The following FXR2 variants were observed in gnomAD, a reference collection of about 807,000 sequenced individuals.
FXR2 encodes FMR1 autosomal homolog 2, also known as RNA-binding protein FXR2.
FXR2 carries 9 observed loss-of-function variants against 87.3 expected under a neutral mutation model. That is an observed-to-expected ratio of 0.10 (90% CI 0.06 to 0.18). The LOEUF (loss-of-function observed/expected upper bound fraction) is 0.18, where lower values mean the gene tolerates loss of function less well. FXR2 is among the 10% of genes least tolerant of loss of function. The pLI is 1.00. For synonymous variants in FXR2, 331 were observed against 328.3 expected, an observed-to-expected ratio of 1.01 and a Z score of -0.09; for missense variants, 661 against 893.6, an observed-to-expected ratio of 0.74 and a Z score of 3.32.
intron 1 of FXR2, among the ~76,000 whole-genome samples, chr17:7,610,010 A>G (rs1349466843): frequency 7.1e-6 from 1 of 141,378 alleles, no homozygotes; most frequent in Non-Finnish European, 1.5e-5. Context: ...GTATACATAT[A>G]TATATACATG....
At chr17:7,614,352 C>T in intron 1 of FXR2, 100 bp downstream of exon 1, 1 of 870,758 alleles carries the variant, frequency 1.1e-6, no homozygotes, top group Non-Finnish European at 1.8e-6. Context: ...TTCTAAGGGC[C>T]AGGACTCAGC....
intron 6 of FXR2, chr17:7,602,678 G>C: frequency 2.6e-6 from 1 of 392,048 alleles, no homozygotes; most frequent in Non-Finnish European, 4.6e-6. Flanking sequence ...GCAGTGAGCC[G>C]AGATCGTGCC....
chr17:7,609,794 G>A (rs1053577379), intron 1 of FXR2, among the ~76,000 whole-genome samples: 9 of 151,306 alleles, frequency 5.9e-5, no homozygotes, highest in Middle Eastern at 3.2e-3. Context: ...CTTGGAGGCC[G>A]AGGTCGGTAG....
At position 7,592,496 on chromosome 17, in the gene FXR2, T is replaced by G. The variant is rs1223405416; in HGVS notation, c.1825+8A>C. 1 of 1,612,472 alleles carries G rather than the reference T, an allele frequency of 6.2e-7. No homozygotes were observed. Among genetic ancestry groups the G allele is most frequent in the African/African-American group, 1.3e-5 (1 of 75,012 alleles). On this transcript the variant is annotated splice_region_variant and intron_variant, in intron 15 of 16. Transcript: ENST00000250113. This position sits in a 1 kb window ranked among gnomAD's most constrained non-coding sequence, Gnocchi z 4.8. ...GAGGAAGGATTCTGGTGTCCAGAGT[T>G]GGCTGACCTGGCTGGCGGTCTCCAC... is the stretch of plus-strand genomic sequence containing the variant.
intron 1 of FXR2, among the ~76,000 whole-genome samples, chr17:7,607,833 T>C (rs2071815811): frequency 6.6e-6 from 1 of 152,192 alleles, no homozygotes; most frequent in African/African-American, 2.4e-5. Context: ...TTCGCTCTTG[T>C]TGCCCACGCT....
chr17:7,608,073 GA>G (rs1487491655), intron 1 of FXR2, among the ~76,000 whole-genome samples: 1 of 152,032 alleles, frequency 6.6e-6, no homozygotes, highest in Non-Finnish European at 1.5e-5. Context: ...TTACAGGTAT[GA>G]ACCATCGCAC....
chr17:7,596,448 ACGC>A (rs1364160719), intron 7 of FXR2: 1 of 153,656 alleles, frequency 6.5e-6, no homozygotes, highest in African/African-American at 2.4e-5. Context: ...ATAAGCCACC[ACGC>A]CCGGCCAAGG....
chr17:7,607,865 G>C (rs1268554545), intron 1 of FXR2, among the ~76,000 whole-genome samples: 1 of 151,916 alleles, frequency 6.6e-6, no homozygotes, highest in Non-Finnish European at 1.5e-5. Context: ...GTGCAACCTT[G>C]GCTCACCGCA....
chr17:7,601,259 G>A, intron 7 of FXR2, 150 bp downstream of exon 7: 1 of 585,428 alleles, frequency 1.7e-6, no homozygotes, highest in Non-Finnish European at 3.1e-6. Context: ...GCCATCTGGA[G>A]GAGTCTGAGA....
chr17:7,607,952 T>C lies in FXR2; in HGVS notation c.82-1803A>G, dbSNP rs561091593. ...GGATTACAGGCATGGGCCACGACCC[T>C]GGCTAATTCTGTATTTTTAAGAGAG... is the stretch of plus-strand genomic sequence containing the variant. On this transcript the variant is annotated intron_variant, in intron 1 of 16. Transcript: ENST00000250113. Among the ~76,000 whole-genome samples the C allele has an allele frequency of 1.1e-3, 172 of 152,004 alleles. 1 individual carries two copies. Among genetic ancestry groups the C allele is most frequent in the African/African-American group, 4.1e-3 (170 of 41,460 alleles).
At chr17:7,609,443 C>G (rs1168223318) in intron 1 of FXR2, among the ~76,000 whole-genome samples, 2 of 152,212 alleles carry the variant, frequency 1.3e-5, no homozygotes, top group East Asian at 3.8e-4. Flanking sequence ...TAGAGCCTTA[C>G]TACTGCCCAA....
rs537396676 is a variant in FXR2, at chr17:7,610,038, G to GTA, written c.82-3891_82-3890dup. On this transcript the variant is annotated intron_variant, in intron 1 of 16. Coordinates refer to ENST00000250113, the MANE Select transcript of FXR2 (RefSeq NM_004860.4). ...TATACATGTATATGTATACATGTAT[G>GTA]TATATATATACACACACACACACAC... is the stretch of plus-strand genomic sequence containing the variant. Among the ~76,000 whole-genome samples the GTA allele has an allele frequency of 2.3e-3, 168 of 72,216 alleles. 3 individuals carry two copies. Among genetic ancestry groups the GTA allele is most frequent in the African/African-American group, 3.1e-3 (36 of 11,776 alleles). The allele number at this position is 72,216 out of a possible 152,430, so 47.4% of individuals were successfully genotyped here.
At chr17:7,604,194 G>A (rs988180650) in intron 3 of FXR2, 114 bp from the exon 4 acceptor site, 1 of 781,484 alleles carries the variant, frequency 1.3e-6, no homozygotes, top group African/African-American at 1.7e-5. Context: ...CGCTTTGGGA[G>A]GCTGAGGCAA....
At position 7,592,178 on chromosome 17, in the gene FXR2, T is replaced by C. The variant is rs2071667618; in HGVS notation, c.1926+76A>G. ...TGCCTCTGCAATTCAGTAGGAGATT[T>C]GTGAAATTTTTTGTGCCCCCTGCCC... On this transcript the variant is annotated intron_variant, in intron 16 of 16. Coordinates refer to ENST00000250113, the MANE Select transcript of FXR2 (RefSeq NM_004860.4). The surrounding 1 kb of genome is among the most constrained non-coding windows in gnomAD (Gnocchi z 4.8). 1 of 1,558,856 alleles carries C rather than the reference T, an allele frequency of 6.4e-7. No homozygotes were observed.
rs115249765 is a variant in FXR2 at position 7,597,573 on chromosome 17, C to A, written c.661-1579G>T. On this transcript the variant is annotated intron_variant, in intron 7 of 16. Coordinates refer to ENST00000250113, the MANE Select transcript of FXR2 (RefSeq NM_004860.4). ...TCTGCTCACTGCAACTTCTGCCTCC[C>A]TTTTTTTGTATTTTTAGTAGAGAAG... Among the ~76,000 whole-genome samples the A allele has an allele frequency of 7.6e-3, 1,155 of 151,830 alleles. 15 individuals carry two copies. Among genetic ancestry groups the A allele is most frequent in the African/African-American group, 0.027 (1,098 of 41,386 alleles).
chr17:7,592,330 C>A lies in FXR2; in HGVS notation c.1850G>T (p.Arg617Leu). ...QPVTVADYIS[R>L]AESQSRQRPP... ...CCTCTGGCGGCTCTGAGACTCTGCT[C>A]GTGAGATATAGTCAGCCACAGTCAC... Residue 617 changes from arginine to leucine, a missense_variant, in exon 16 of 17, where the codon CGA (arginine) becomes CTA (leucine). By Grantham distance (102) the Arg-to-Leu change is moderately radical (BLOSUM62 -2). This residue lies in a region of FXR2 where 409 missense variants were observed against 432.0 expected (regional missense o/e 0.95). Transcript: ENST00000250113. This position sits in a 1 kb window ranked among gnomAD's most constrained non-coding sequence, Gnocchi z 4.8. 1.2e-6 allele frequency: 2 copies of A among 1,612,866 alleles called. No homozygotes were observed. Among genetic ancestry groups the A allele is most frequent in the South Asian group, 1.1e-5 (1 of 91,028 alleles).
Position 7,595,373 on chromosome 17 carries a change from G to A in FXR2, c.831+451C>T, listed in dbSNP as rs1419911654. On this transcript the variant is annotated intron_variant, in intron 8 of 16. Coordinates refer to ENST00000250113, the MANE Select transcript of FXR2 (RefSeq NM_004860.4). The surrounding 1 kb of genome is among the most constrained non-coding windows in gnomAD (Gnocchi z 4.7). Reference sequence around the variant, plus strand: ...GGTGTACTGCAGCCTTGACTTTCCAGGCTCAAGTGATCCTCCTGCCTCCGC... The same window carrying A: ...GGTGTACTGCAGCCTTGACTTTCCAAGCTCAAGTGATCCTCCTGCCTCCGC... 6.6e-6 allele frequency among the ~76,000 whole-genome samples: 1 copy of A among 152,126 alleles called. No homozygotes were observed. Among genetic ancestry groups the A allele is most frequent in the Non-Finnish European group, 1.5e-5 (1 of 68,034 alleles).
At chr17:7,613,160 G>C (rs568882907) in intron 1 of FXR2, among the ~76,000 whole-genome samples, 2 of 151,758 alleles carry the variant, frequency 1.3e-5, no homozygotes, top group African/African-American at 2.4e-5. Context: ...AGAAACTAGA[G>C]AGGACTACAG....
rs1378049754 is a variant in FXR2 at position 7,592,064 on chromosome 17, C to G, written c.1927-139G>C. ...GTTCCCTGATCTCATGATCCAGTCT[C>G]TCTTACTTGGGATCCAGAAAATGTG... On this transcript the variant is annotated intron_variant, in intron 16 of 16. Coordinates refer to ENST00000250113, the MANE Select transcript of FXR2 (RefSeq NM_004860.4). This position sits in a 1 kb window ranked among gnomAD's most constrained non-coding sequence, Gnocchi z 4.8. 1.4e-6 allele frequency: 2 copies of G among 1,418,720 alleles called. No individual in the cohort carries two copies. Among genetic ancestry groups the G allele is most frequent in the Non-Finnish European group, 1.9e-6 (2 of 1,069,374 alleles). 87.9% of individuals were successfully genotyped at this position (1,418,720 alleles called of 1,614,324 possible).
Sources: gnomAD v4.1 joint callset for allele counts (sites outside exome capture counted in the v4.1 genomes callset) on GRCh38, gnomAD v4.1.1 for gene constraint, gnomAD v4.1.1 regional missense constraint, Gnocchi (gnomAD v3.1) non-coding constraint, MANE v1.5 for transcripts, NCBI Gene and HGNC (gene_info 2026-07-23, HGNC 2026-07-21) for gene names.